The following PATJ variants were observed in gnomAD, a reference collection of about 807,000 sequenced individuals.
PATJ encodes the protein PATJ crumbs cell polarity complex component, also known as inaD-like protein.
In PATJ, 190 loss-of-function variants were observed where a neutral mutation model predicts 224.9. That is an observed-to-expected ratio of 0.84 (90% confidence interval 0.75 to 0.95). PATJ has a LOEUF of 0.95. PATJ is among the 40% of genes least tolerant of loss of function. The probability of loss-of-function intolerance (pLI) is 0.00; values close to 1 mark genes in which losing one functional copy is unlikely to be tolerated. For missense variants in PATJ, 2,121 were observed against 2,270.3 expected (o/e 0.93, Z 1.34); for synonymous variants, 769 against 820.3 (o/e 0.94, Z 1.07).
rs190250826 is a variant in PATJ, at chr1:62,148,906, C to T, written c.5378+516C>T. Among the ~76,000 whole-genome samples the T allele has an allele frequency of 9.0e-3, 1,375 of 152,038 alleles. 13 individuals are homozygous for T. Among genetic ancestry groups the T allele is most frequent in the Non-Finnish European group, 0.014 (970 of 67,978 alleles). ...TTTTGGGAGGCCGAGACGGGTGGAT[C>T]GCCTGAGGTCAGGAGTTCGAGACCA... On this transcript the variant is annotated intron_variant, in intron 42 of 43. Transcript: ENST00000642238.
intron 27 of PATJ, among the ~76,000 whole-genome samples, chr1:61,929,506 C>A (rs1054358828): frequency 6.6e-6 from 1 of 152,176 alleles, no homozygotes; most frequent in African/African-American, 2.4e-5. Context: ...TACCATGTGC[C>A]AGGCATTGTT....
chr1:61,796,746 T>TTC (rs1651376785), intron 10 of PATJ, among the ~76,000 whole-genome samples: 1 of 139,648 alleles, frequency 7.2e-6, no homozygotes, highest in Non-Finnish European at 1.5e-5. Context: ...CTTTCTTTTT[T>TTC]TTCTTCCTTT....
chr1:62,014,936 G>A (rs1646681962), intron 28 of PATJ, among the ~76,000 whole-genome samples: 1 of 152,140 alleles, frequency 6.6e-6, no homozygotes, highest in Admixed American at 6.6e-5. Context: ...AAGAAAAGCT[G>A]AACTCTGAAG....
intron 27 of PATJ, among the ~76,000 whole-genome samples, chr1:61,955,309 A>G (rs981843301): frequency 5.9e-5 from 9 of 152,140 alleles, no homozygotes; most frequent in Non-Finnish European, 1.2e-4. Flanking sequence ...TCTAATATGA[A>G]CTTTGCCTTC....
intron 28 of PATJ, among the ~76,000 whole-genome samples, chr1:62,000,764 G>A (rs377103027): frequency 2.7e-5 from 4 of 150,830 alleles, no homozygotes; most frequent in Non-Finnish European, 4.4e-5. Flanking sequence ...ATCCCTGAGG[G>A]ATCGCCACAC....
chr1:61,805,661 T>A (rs1004792843), intron 13 of PATJ, 137 bp downstream of exon 13: 8 of 601,294 alleles, frequency 1.3e-5, no homozygotes, highest in Non-Finnish European at 2.4e-5. Flanking sequence ...TCTTCCCTAG[T>A]GGATCAATCG....
Position 62,056,149 on chromosome 1 carries a change from C to T in PATJ, c.4125+5091C>T, listed in dbSNP as rs188966751. 8.5e-5 allele frequency among the ~76,000 whole-genome samples: 13 copies of T among 152,234 alleles called. No individual in the cohort carries two copies. The East Asian group carries it at 2.5e-3, about 29-fold the overall frequency. ...CTTGCTTGGTCCACTGCTTCAAATG[C>T]CCATCATTTCTGGAAACACCCTTCC... On this transcript the variant is annotated intron_variant, in intron 31 of 43. Transcript: ENST00000642238.
chr1:61,872,474 C>T (rs959663356), intron 20 of PATJ, among the ~76,000 whole-genome samples: 2 of 152,160 alleles, frequency 1.3e-5, no homozygotes, highest in African/African-American at 4.8e-5. Flanking sequence ...GGCAAAACTC[C>T]TTATCTGAGG....
At chr1:61,756,735 C>T (rs866903027) in intron 1 of PATJ, among the ~76,000 whole-genome samples, 3 of 151,736 alleles carry the variant, frequency 2.0e-5, no homozygotes, top group Non-Finnish European at 4.4e-5. Flanking sequence ...TGCGCCACCA[C>T]GCCCGGATAA....
chr1:62,029,946 G>T (rs1648887020), intron 29 of PATJ, among the ~76,000 whole-genome samples: 1 of 152,194 alleles, frequency 6.6e-6, no homozygotes, highest in South Asian at 2.1e-4. Context: ...GGAACTCATT[G>T]ATGTTGGGTT....
At chr1:62,095,822 G>C (rs1661330314) in intron 33 of PATJ, among the ~76,000 whole-genome samples, 1 of 152,140 alleles carries the variant, frequency 6.6e-6, no homozygotes, top group Non-Finnish European at 1.5e-5. Context: ...GAAATACAGA[G>C]GCAGGTTTTT....
Position 62,018,620 on chromosome 1 carries a change from C to G in PATJ, c.3959+673C>G, listed in dbSNP as rs1258600225. On this transcript the variant is annotated intron_variant, in intron 29 of 43. Transcript: ENST00000642238. The surrounding 1 kb of genome is among the most constrained non-coding windows in gnomAD (Gnocchi z 4.2). ...ACTTTTAGGTCATGTACCTAACCCT[C>G]TATGTTCACTGTAGCTCTGCTTCTT... Among the ~76,000 whole-genome samples, 1 of 152,196 alleles carries G rather than the reference C, an allele frequency of 6.6e-6. No individual in the cohort carries two copies. Among genetic ancestry groups the G allele is most frequent in the African/African-American group, 2.4e-5 (1 of 41,464 alleles).
At chr1:62,076,209 A>C (rs1463032723) in intron 31 of PATJ, among the ~76,000 whole-genome samples, 1 of 152,164 alleles carries the variant, frequency 6.6e-6, no homozygotes, top group Non-Finnish European at 1.5e-5. Flanking sequence ...ATTAAGTCTT[A>C]ATCAATAAGT....
At chr1:61,821,286 C>T (rs181024428) in intron 14 of PATJ, among the ~76,000 whole-genome samples, 5 of 152,148 alleles carry the variant, frequency 3.3e-5, no homozygotes, top group Non-Finnish European at 7.4e-5. Flanking sequence ...ACCTTGTGAT[C>T]CTCCCGCTCG....
chr1:61,906,406 C>T (rs909298022), intron 24 of PATJ, among the ~76,000 whole-genome samples: 5 of 152,048 alleles, frequency 3.3e-5, no homozygotes, highest in African/African-American at 9.7e-5. Context: ...GGCCCCATCC[C>T]GAGGCTATCC....
At chr1:62,081,011 A>G (rs74076516) in intron 32 of PATJ, among the ~76,000 whole-genome samples, 2 of 152,144 alleles carry the variant, frequency 1.3e-5, no homozygotes, top group Non-Finnish European at 2.9e-5. Flanking sequence ...CCACAAATAC[A>G]GGTTTATAGA....
Position 61,810,731 on chromosome 1 carries a change from T to C in PATJ, c.1683+2201T>C, listed in dbSNP as rs534817237. Among the ~76,000 whole-genome samples, 10 of 150,018 alleles carry C rather than the reference T, an allele frequency of 6.7e-5. No individual in the cohort carries two copies. In the East Asian group the frequency reaches 2.0e-3, roughly 29 times the overall value. On this transcript the variant is annotated intron_variant, in intron 14 of 43. Transcript: ENST00000642238. ...ATAAATAAATAAATAAATAAATAAATAAATAAATAAATAAACCCAGTCTGT... is the reference window on the plus strand; with the variant it reads ...ATAAATAAATAAATAAATAAATAAACAAATAAATAAATAAACCCAGTCTGT...
chr1:62,158,709 A>G (rs1669523803), intron 43 of PATJ, among the ~76,000 whole-genome samples: 1 of 120,460 alleles, frequency 8.3e-6, no homozygotes, highest in African/African-American at 3.3e-5. Flanking sequence ...CGACAGAGCG[A>G]GACTCTGTCT....
At chr1:62,131,297 C>G (rs11207905) in intron 41 of PATJ, among the ~76,000 whole-genome samples, 21,779 of 152,052 alleles carry the variant, frequency 0.14, 1,857 homozygotes, top group Middle Eastern at 0.19. Context: ...TTATGCTGAC[C>G]CCTAGAGGCA....
Sources: allele counts gnomAD v4.1 joint callset (sites outside exome capture counted in the v4.1 genomes callset), GRCh38; gene constraint gnomAD v4.1.1; non-coding constraint Gnocchi (gnomAD v3.1); transcripts MANE v1.5; gene names NCBI Gene and HGNC (gene_info 2026-07-23, HGNC 2026-07-21).